The following TEX11 variants were observed in gnomAD, a reference collection of about 807,000 sequenced individuals.
TEX11 encodes testis expressed 11.
Under a neutral mutation model 84.4 loss-of-function variants are expected in TEX11, and 7 were observed. That is an observed-to-expected ratio of 0.08 (90% confidence interval 0.05 to 0.16). The LOEUF (loss-of-function observed/expected upper bound fraction) is 0.16, where lower values mean the gene tolerates loss of function less well. Among genes scored for constraint, TEX11 ranks in the 10% least tolerant of loss-of-function variants. The pLI is 1.00. For synonymous variants in TEX11, 264 were observed against 222.8 expected, an observed-to-expected ratio of 1.18 and a Z score of -1.64; for missense variants, 551 against 660.5, an observed-to-expected ratio of 0.83 and a Z score of 1.82.
At chrX:70,620,873 T>C (rs2089375668) in intron 20 of TEX11, among the ~76,000 whole-genome samples, 1 of 111,962 alleles carries the variant, frequency 8.9e-6, no homozygotes, top group Admixed American at 9.5e-5. Context: ...CTGTATGACA[T>C]TCTGGAAAAG....
intron 24 of TEX11, among the ~76,000 whole-genome samples, chrX:70,602,285 T>G (rs2089131287): frequency 9.0e-6 from 1 of 110,905 alleles, no homozygotes; most frequent in South Asian, 3.9e-4. Context: ...TGATGAACAT[T>G]GATGCAAAAA....
At chrX:70,837,053 T>C (rs146018980) in intron 7 of TEX11, among the ~76,000 whole-genome samples, 73 of 109,491 alleles carry the variant, frequency 6.7e-4, no homozygotes, top group African/African-American at 2.3e-3. Context: ...ACACAGAATG[T>C]AAAATGGCAT....
intron 28 of TEX11, among the ~76,000 whole-genome samples, chrX:70,539,258 C>T (rs899736172): frequency 1.9e-5 from 2 of 107,459 alleles, no homozygotes; most frequent in Admixed American, 2.1e-4. Flanking sequence ...TGGTTTTGAA[C>T]TCTGACCTCA....
At position 70,836,987 on chromosome X, in the gene TEX11, A is replaced by C. The variant is rs2091409137; in HGVS notation, c.526-3394T>G. ...AGCTGAGATCATGCCACAGCACTCCACCCTGGGTGACAGAGTGAGACTCTG... is the reference window on the plus strand; with the variant it reads ...AGCTGAGATCATGCCACAGCACTCCCCCCTGGGTGACAGAGTGAGACTCTG... On this transcript the variant is annotated intron_variant, in intron 7 of 29. Transcript: ENST00000374333. Among the ~76,000 whole-genome samples the C allele has an allele frequency of 2.7e-5, 3 of 111,401 alleles. No homozygotes were observed. The South Asian group carries it at 1.1e-3, about 42-fold the overall frequency.
intron 9 of TEX11, among the ~76,000 whole-genome samples, chrX:70,796,584 T>C (rs1427070677): frequency 9.0e-6 from 1 of 111,495 alleles, no homozygotes; most frequent in Non-Finnish European, 1.9e-5. Flanking sequence ...CCAAAAGCAA[T>C]TGCAACAAAA....
the TEX11 span, among the ~76,000 whole-genome samples, chrX:70,518,713 A>G: frequency 9.0e-6 from 1 of 111,468 alleles, no homozygotes; most frequent in Non-Finnish European, 1.9e-5. Context: ...TAATATTTAC[A>G]GTGGGGTGTT....
In TEX11 at chrX:70,662,204, A is replaced by G. The variant is rs1490312906; in HGVS notation, c.1380+8173T>C. On this transcript the variant is annotated intron_variant, in intron 16 of 29. Coordinates refer to ENST00000374333, the MANE Select transcript of TEX11 (RefSeq NM_031276.3). ...TGGAGCTGAAAACCATGGTACGAGA[A>G]CTACGTGGAGAATGCACAAGCCTCA... is the stretch of plus-strand genomic sequence containing the variant. Among the ~76,000 whole-genome samples, 4 of 112,155 alleles carry G rather than the reference A, an allele frequency of 3.6e-5. No homozygotes were observed. In the East Asian group the frequency reaches 1.1e-3, roughly 31 times the overall value.
At chrX:70,883,883 C>A (rs1046425343) in intron 2 of TEX11, among the ~76,000 whole-genome samples, 1 of 111,450 alleles carries the variant, frequency 9.0e-6, no homozygotes, top group Non-Finnish European at 1.9e-5. Context: ...AGGAAGGGAG[C>A]TTCTGTTACA....
chrX:70,593,110 C>A (rs1569345489), intron 24 of TEX11, among the ~76,000 whole-genome samples: 2 of 109,902 alleles, frequency 1.8e-5, no homozygotes, highest in Non-Finnish European at 3.8e-5. Flanking sequence ...CACGCACACA[C>A]ACAGTAATCA....
chrX:70,693,953 A>G (rs1022212076), intron 13 of TEX11, among the ~76,000 whole-genome samples: 1 of 112,193 alleles, frequency 8.9e-6, no homozygotes, highest in Non-Finnish European at 1.9e-5. Context: ...TATTGAAAGG[A>G]AGTTTTCCTG....
At chrX:70,714,717 G>A (rs768458016) in intron 13 of TEX11, among the ~76,000 whole-genome samples, 412 of 111,541 alleles carry the variant, frequency 3.7e-3, no homozygotes, top group Non-Finnish European at 6.0e-3. Context: ...CCTGAATACA[G>A]CACACTGATG....
At chrX:70,868,754 A>G (rs2091612538) in intron 4 of TEX11, among the ~76,000 whole-genome samples, 1 of 110,837 alleles carries the variant, frequency 9.0e-6, no homozygotes, top group African/African-American at 3.3e-5. Flanking sequence ...GGAAACCATC[A>G]CTGTCAGCAA....
At chrX:70,888,841 AG>A (rs749386608) in intron 2 of TEX11, among the ~76,000 whole-genome samples, 8 of 111,775 alleles carry the variant, frequency 7.2e-5, no homozygotes, top group Admixed American at 5.8e-4. Context: ...GCAAGAGAAA[AG>A]AAACAAATCA....
chrX:70,847,914 C>T (rs1281186214), intron 7 of TEX11, among the ~76,000 whole-genome samples: 1 of 111,980 alleles, frequency 8.9e-6, no homozygotes, highest in Non-Finnish European at 1.9e-5. Context: ...AATGAACAGG[C>T]TTTATTATCC....
chrX:70,603,614 G>A (rs1286199343), intron 24 of TEX11, among the ~76,000 whole-genome samples: 1 of 111,491 alleles, frequency 9.0e-6, no homozygotes. Context: ...AGGAAACCTA[G>A]GCATTACCAT....
intron 29 of TEX11, among the ~76,000 whole-genome samples, chrX:70,529,590 CTCT>C (rs750583573): frequency 8.9e-6 from 1 of 112,163 alleles, no homozygotes; most frequent in East Asian, 2.8e-4. Flanking sequence ...CTTGGCATTC[CTCT>C]TAATTAGATT....
intron 12 of TEX11, chrX:70,724,026 C>T (rs900338161): frequency 4.2e-6 from 3 of 712,674 alleles, no homozygotes; most frequent in African/African-American, 2.4e-5. Flanking sequence ...TAAGTAAAAG[C>T]AATCTGTGAA....
intron 20 of TEX11, among the ~76,000 whole-genome samples, chrX:70,620,762 T>C (rs1241680024): frequency 8.9e-6 from 1 of 112,246 alleles, no homozygotes; most frequent in Non-Finnish European, 1.9e-5. Context: ...TACAATATCA[T>C]TCAGTGCTAT....
chrX:70,790,729 G>A (rs1042373310), intron 9 of TEX11, among the ~76,000 whole-genome samples: 3 of 111,933 alleles, frequency 2.7e-5, no homozygotes, highest in East Asian at 2.8e-4. Flanking sequence ...TCCTACAAGA[G>A]CAAGCACACA....
Sources: gnomAD v4.1 joint callset for allele counts (sites outside exome capture counted in the v4.1 genomes callset) on GRCh38, gnomAD v4.1.1 for gene constraint, MANE v1.5 for transcripts, NCBI Gene and HGNC (gene_info 2026-07-23, HGNC 2026-07-21) for gene names.